Variants in AKNA observed in about 807,000 individuals in gnomAD.
AKNA encodes the protein AT-hook transcription factor.
AKNA carries 67 observed loss-of-function variants against 138.8 expected under a neutral mutation model. That is an observed-to-expected ratio of 0.48 (90% CI 0.40 to 0.59). The LOEUF (loss-of-function observed/expected upper bound fraction) is 0.59, where lower values mean the gene tolerates loss of function less well. AKNA is among the 20% of genes least tolerant of loss of function. The pLI is 0.00. For missense variants in AKNA, 1,813 were observed against 1,880.4 expected (o/e 0.96, Z 0.66); for synonymous variants, 737 against 754.4 (o/e 0.98, Z 0.38).
At chr9:114,388,073 C>T (rs1238732397), upstream of AKNA, 7 of 267,986 alleles carry the variant, frequency 2.6e-5, no homozygotes, top group Admixed American at 1.7e-4. Flanking sequence ...CGGCAGGAAG[C>T]GCCCAGCCTG....
At chr9:114,368,121 T>G (rs1156711659) in intron 5 of AKNA, 2 of 313,512 alleles carry the variant, frequency 6.4e-6, no homozygotes, top group Non-Finnish European at 1.2e-5. Context: ...TTAAGTGAGG[T>G]CACATGTGTC....
At position 114,381,448 on chromosome 9, in the gene AKNA, T is replaced by C; in HGVS notation, c.-113-2A>G. The C allele has an allele frequency of 7.0e-7, 1 of 1,429,364 alleles. No individual in the cohort carries two copies. Among genetic ancestry groups the C allele is most frequent in the Non-Finnish European group, 9.1e-7 (1 of 1,095,742 alleles). 88.5% of individuals were successfully genotyped at this position (1,429,364 alleles called of 1,614,324 possible). On this transcript the variant is annotated splice_acceptor_variant, in intron 1 of 21. Transcript: ENST00000374088. LOFTEE classifies it low-confidence loss of function (5UTR_SPLICE). ...AGCATCGGCCATCCTGCCTGTGCCC[T>C]GTCAGGGACACATTCAAGAGAGAAC... is the stretch of plus-strand genomic sequence containing the variant.
chr9:114,377,380 T>C lies in AKNA; in HGVS notation c.427A>G (p.Arg143Gly), dbSNP rs1833319463. ...CTGAGACCAGCCTCATACCCCAACC[T>C]TGAGGAGCTCTCTCCAGCCTCCTCA... ...EVEEAGESSS[R>G]LGYEAGLSLE... The change falls in exon 3 of 22, where the codon AGG becomes GGG. Residue 143 changes from arginine (R) to glycine (G), a missense_variant. Physicochemically the swap from Arg to Gly is moderately radical, Grantham distance 125. Coordinates refer to ENST00000374088, the MANE Select transcript of AKNA (RefSeq NM_001317950.2). 6.2e-7 allele frequency: 1 copy of C among 1,613,788 alleles called. No homozygotes were observed. Among genetic ancestry groups the C allele is most frequent in the Non-Finnish European group, 8.5e-7 (1 of 1,179,942 alleles).
chr9:114,378,386 C>T (rs964927260), intron 2 of AKNA, among the ~76,000 whole-genome samples: 2 of 152,230 alleles, frequency 1.3e-5, no homozygotes, highest in African/African-American at 4.8e-5. Context: ...CTTTGTAACA[C>T]TTATCATAGC....
chr9:114,344,008 C>T (rs754413064), intron 18 of AKNA: 2 of 517,188 alleles, frequency 3.9e-6, no homozygotes, highest in Non-Finnish European at 3.4e-6. Flanking sequence ...CACACATATA[C>T]GTCACCGAAC....
intron 6 of AKNA, among the ~76,000 whole-genome samples, chr9:114,364,903 A>C (rs773166377): frequency 1.3e-5 from 2 of 152,188 alleles, no homozygotes; most frequent in African/African-American, 2.4e-5. Context: ...TGCAGCATGA[A>C]CAGTAGGGAG....
intron 9 of AKNA, among the ~76,000 whole-genome samples, chr9:114,361,175 C>T (rs147586427): frequency 1.3e-5 from 2 of 152,172 alleles, no homozygotes; most frequent in Non-Finnish European, 2.9e-5. Flanking sequence ...ATCATGGGGC[C>T]CCTGCCTGCC....
In AKNA at chr9:114,347,603, ATGAG is replaced by A. The variant is rs377265589; in HGVS notation, c.3398+117_3398+120del. 441 of 1,013,590 alleles carry A rather than the reference ATGAG, an allele frequency of 4.4e-4. 1 individual carries two copies. The highest frequency in any genetic ancestry group is 4.3e-3 in the African/African-American group (258 of 60,152). 62.8% of individuals were successfully genotyped at this position (1,013,590 alleles called of 1,614,324 possible). A position where few individuals can be genotyped will look rare whatever the true frequency, so the allele number is the denominator to read the frequency against. On this transcript the variant is annotated intron_variant, in intron 16 of 21. Transcript: ENST00000374088. Reference sequence around the variant, plus strand: ...AACAAGCTCAACAGTGAATGAATGAATGAGTGAGAGAGGGATGTGGCAGTGCCTG... The same window carrying A: ...AACAAGCTCAACAGTGAATGAATGAATGAGAGAGGGATGTGGCAGTGCCTG...
At chr9:114,384,229 T>C (rs1471680873) in intron 1 of AKNA, among the ~76,000 whole-genome samples, 1 of 152,158 alleles carries the variant, frequency 6.6e-6, no homozygotes, top group Non-Finnish European at 1.5e-5. Context: ...GCTAATATAT[T>C]ACATGTATTG....
At chr9:114,341,856 G>C in intron 20 of AKNA, 131 bp from the exon 21 acceptor site, 1 of 1,314,736 alleles carries the variant, frequency 7.6e-7, no homozygotes, top group East Asian at 2.3e-5. Context: ...TCCATGTCGG[G>C]GAGGTCTCTC....
chr9:114,371,766 A>T (rs939440755), intron 4 of AKNA, among the ~76,000 whole-genome samples: 1 of 152,040 alleles, frequency 6.6e-6, no homozygotes. Context: ...GTCCAGCGCA[A>T]CATCCCCAGC....
At chr9:114,341,965 G>A (rs753294310) in intron 20 of AKNA, 44 bp downstream of exon 20, 2 of 1,555,826 alleles carry the variant, frequency 1.3e-6, no homozygotes, top group East Asian at 2.2e-5. Context: ...TGGTCAAGGA[G>A]AGCTGAGGGT....
In AKNA at chr9:114,355,983, C is replaced by G; in HGVS notation, c.3000G>C (p.Gly1000=). 6.2e-7 allele frequency: 1 copy of G among 1,614,202 alleles called. No individual in the cohort carries two copies. Among genetic ancestry groups the G allele is most frequent in the Non-Finnish European group, 8.5e-7 (1 of 1,180,038 alleles). Residue 1000 remains glycine (G), a synonymous_variant, in exon 14 of 22, where the codon GGG becomes GGC. Coordinates refer to ENST00000374088, the MANE Select transcript of AKNA (RefSeq NM_001317950.2). The stretch of plus-strand genomic sequence containing the variant: ...AGTTGGGTGCCCTCTGCCGGAGAGG[C>G]CCACTTGGGCTGGAGAGGTACCTCT... ...QAQRYLSSPS[G]PLRQRAPNFS... is the part of the protein sequence containing the mutation.
chr9:114,369,312 G>C (rs1832597017), intron 4 of AKNA, among the ~76,000 whole-genome samples: 1 of 152,194 alleles, frequency 6.6e-6, no homozygotes, highest in African/African-American at 2.4e-5. Context: ...TTCTGTTTTT[G>C]TAAAGAAGGT....
At position 114,337,012 on chromosome 9, in the gene AKNA, TGCCC is replaced by T; in HGVS notation, c.*38_*41del. ...CCCACTCCTGGCCTGGCAGGCCACCTGCCCACCCACCCACCCATCTGCCTCTGGG... is the reference window on the plus strand; with the variant it reads ...CCCACTCCTGGCCTGGCAGGCCACCTACCCACCCACCCATCTGCCTCTGGG... On this transcript the variant is annotated 3_prime_UTR_variant, in exon 22 of 22. Transcript: ENST00000374088. 1 of 1,208,204 alleles carries T rather than the reference TGCCC, an allele frequency of 8.3e-7. No individual in the cohort carries two copies. The highest frequency in any genetic ancestry group is 1.1e-6 in the Non-Finnish European group (1 of 929,340). The allele number at this position is 1,208,204 out of a possible 1,614,324, so 74.8% of individuals were successfully genotyped here. A position where few individuals can be genotyped will look rare whatever the true frequency, so the allele number is the denominator to read the frequency against.
Position 114,359,707 on chromosome 9 carries a change from A to AC in AKNA, c.2378dup (p.Asp794Ter). On this transcript the variant is annotated frameshift_variant, in exon 11 of 22. Coordinates refer to ENST00000374088, the MANE Select transcript of AKNA (RefSeq NM_001317950.2). LOFTEE classifies it high-confidence loss of function. ...CCACCCCATCAACTTCCAGGGAGTC[A>AC]CCTCCCCCCTCTTCCTCCTCCTCCT... 1 of 1,609,944 alleles carries AC rather than the reference A, an allele frequency of 6.2e-7. No homozygotes were observed. Among genetic ancestry groups the AC allele is most frequent in the Non-Finnish European group, 8.5e-7 (1 of 1,177,904 alleles).
At chr9:114,367,806 G>C in intron 5 of AKNA, 109 bp from the exon 6 acceptor site, 1 of 1,251,136 alleles carries the variant, frequency 8.0e-7, no homozygotes, top group African/African-American at 1.5e-5. Context: ...TTATAGCTCA[G>C]TCACCATGTG....
upstream of AKNA, among the ~76,000 whole-genome samples, chr9:114,389,508 C>A (rs1030142555): frequency 6.6e-6 from 1 of 152,102 alleles, no homozygotes; most frequent in South Asian, 2.1e-4. Context: ...TGAGGCTTCA[C>A]GTCTCTAAGC....
Position 114,359,895 on chromosome 9 carries a change from C to T in AKNA, c.2291+1G>A, listed in dbSNP as rs1443228508. On this transcript the variant is annotated splice_donor_variant, in intron 10 of 21. Coordinates refer to ENST00000374088, the MANE Select transcript of AKNA (RefSeq NM_001317950.2). LOFTEE classifies it high-confidence loss of function. ...CCTGGTCAGGTCCAGGTGGCACTCACCGCTCCATGAGGCCATGGTAAACTT... is the reference window on the plus strand; with the variant it reads ...CCTGGTCAGGTCCAGGTGGCACTCATCGCTCCATGAGGCCATGGTAAACTT... 6.2e-7 allele frequency: 1 copy of T among 1,614,228 alleles called. No homozygotes were observed. Among genetic ancestry groups the T allele is most frequent in the Non-Finnish European group, 8.5e-7 (1 of 1,180,016 alleles).
Sources: allele counts gnomAD v4.1 joint callset (sites outside exome capture counted in the v4.1 genomes callset), GRCh38; gene constraint gnomAD v4.1.1; transcripts MANE v1.5; gene names NCBI Gene and HGNC (gene_info 2026-07-23, HGNC 2026-07-21).